Variants in GLI3 observed in about 807,000 individuals in gnomAD.
The protein encoded by GLI3 is GLI family zinc finger 3, also known as transcription activator GLI3.
Under a neutral mutation model 100.8 loss-of-function variants are expected in GLI3, and 20 were observed. The ratio of observed to expected loss-of-function variants is 0.20; its 90% CI spans 0.14 to 0.29. The LOEUF (loss-of-function observed/expected upper bound fraction) is 0.29, where lower values mean the gene tolerates loss of function less well. Ranked by LOEUF, GLI3 falls within the 10% of genes least tolerant of loss-of-function variation. The pLI is 1.00. For missense variants in GLI3, 2,040 were observed against 2,128.5 expected (o/e 0.96, Z 0.82); for synonymous variants, 938 against 860.5 (o/e 1.09, Z -1.58).
chr7:41,989,233 T>C (rs760320158), intron 10 of GLI3, among the ~76,000 whole-genome samples: 41 of 152,318 alleles, frequency 2.7e-4, no homozygotes, highest in Admixed American at 7.8e-4. Flanking sequence ...TAAACACAGA[T>C]AGGCAAAATT....
intron 1 of GLI3, among the ~76,000 whole-genome samples, chr7:42,256,783 A>C (rs1481430129): frequency 6.6e-6 from 1 of 152,120 alleles, no homozygotes; most frequent in East Asian, 1.9e-4. Flanking sequence ...TTTTCATATA[A>C]ATTTTATAAT....
chr7:42,246,964 G>A (rs957021178), intron 1 of GLI3, among the ~76,000 whole-genome samples: 2 of 152,052 alleles, frequency 1.3e-5, no homozygotes, highest in African/African-American at 4.8e-5. Flanking sequence ...AAGGCAGTCT[G>A]TAATCACAGC....
chr7:42,227,345 A>G (rs1788602538), intron 1 of GLI3, among the ~76,000 whole-genome samples: 1 of 150,570 alleles, frequency 6.6e-6, no homozygotes. Flanking sequence ...AAAGCAACGC[A>G]AGGAAAATTG....
intron 1 of GLI3, among the ~76,000 whole-genome samples, chr7:42,248,004 A>G (rs1317771161): frequency 6.6e-6 from 1 of 152,244 alleles, no homozygotes; most frequent in African/African-American, 2.4e-5. Flanking sequence ...ATGAAGAAAT[A>G]CAATGAGTGT....
At chr7:42,208,658 G>C (rs1788204197) in intron 2 of GLI3, among the ~76,000 whole-genome samples, 1 of 152,152 alleles carries the variant, frequency 6.6e-6, no homozygotes, top group Non-Finnish European at 1.5e-5. Flanking sequence ...TAGCATCAAA[G>C]AAATTTGCAA....
At chr7:42,105,435 G>A (rs2128763893) in intron 3 of GLI3, among the ~76,000 whole-genome samples, 1 of 152,018 alleles carries the variant, frequency 6.6e-6, no homozygotes, top group East Asian at 1.9e-4. Context: ...CTAAATAAAA[G>A]CAAAACTCCA....
At chr7:42,119,461 G>A (rs1785942736) in intron 3 of GLI3, among the ~76,000 whole-genome samples, 1 of 152,108 alleles carries the variant, frequency 6.6e-6, no homozygotes, top group Non-Finnish European at 1.5e-5. Flanking sequence ...ACCAAGACCA[G>A]CTGTAATGTA....
At chr7:42,213,782 A>G (rs889226059) in intron 2 of GLI3, among the ~76,000 whole-genome samples, 1 of 152,236 alleles carries the variant, frequency 6.6e-6, no homozygotes, top group African/African-American at 2.4e-5. Flanking sequence ...ATGGCTGGGG[A>G]CAGCCTATCT....
At chr7:42,050,268 G>C (rs1784328760) in intron 4 of GLI3, among the ~76,000 whole-genome samples, 1 of 152,154 alleles carries the variant, frequency 6.6e-6, no homozygotes, top group African/African-American at 2.4e-5. Flanking sequence ...TTACACATGG[G>C]AAGAGTAAGA....
At chr7:42,031,789 C>A (rs569730039) in intron 7 of GLI3, among the ~76,000 whole-genome samples, 1 of 152,218 alleles carries the variant, frequency 6.6e-6, no homozygotes, top group African/African-American at 2.4e-5. Flanking sequence ...GATAATTTCT[C>A]AGTCAGTTTC....
At chr7:42,051,288 C>T (rs888463384) in intron 4 of GLI3, among the ~76,000 whole-genome samples, 4 of 152,272 alleles carry the variant, frequency 2.6e-5, no homozygotes, top group Middle Eastern at 3.4e-3. Flanking sequence ...ACTCAATGTG[C>T]GTGGACCTCA....
intron 2 of GLI3, among the ~76,000 whole-genome samples, chr7:42,166,332 C>A (rs1336226874): frequency 6.6e-6 from 1 of 152,160 alleles, no homozygotes; most frequent in African/African-American, 2.4e-5. Context: ...AAGTATTCTA[C>A]AGGTGAATAA....
chr7:42,250,551 A>G (rs556403907), intron 1 of GLI3, among the ~76,000 whole-genome samples: 8 of 152,226 alleles, frequency 5.3e-5, no homozygotes, highest in African/African-American at 1.7e-4. Flanking sequence ...TCAGGGCCCA[A>G]TCCAACTGAC....
At position 42,182,717 on chromosome 7, in the gene GLI3, T is replaced by TACACACAC. The variant is rs66997611; in HGVS notation, c.125-34257_125-34250dup. Among the ~76,000 whole-genome samples the TACACACAC allele has an allele frequency of 8.2e-4, 97 of 118,706 alleles. 1 individual carries two copies. The highest frequency in any genetic ancestry group is 4.4e-3 in the South Asian group (16 of 3,636). 77.9% of individuals were successfully genotyped at this position (118,706 alleles called of 152,430 possible). On this transcript the variant is annotated intron_variant, in intron 2 of 14. Coordinates refer to ENST00000395925, the MANE Select transcript of GLI3 (RefSeq NM_000168.6). Reference sequence around the variant, plus strand: ...GTATATATATATACACACATATAAATACACACACACACACACACACACACA... The same window carrying TACACACAC: ...GTATATATATATACACACATATAAATACACACACACACACACACACACACACACACACA...
intron 2 of GLI3, among the ~76,000 whole-genome samples, chr7:42,176,507 C>T (rs1445399396): frequency 6.6e-6 from 1 of 152,260 alleles, no homozygotes; most frequent in Non-Finnish European, 1.5e-5. Context: ...TTCATGCAAA[C>T]AGATGCCCAG....
chr7:42,026,341 TGTC>T lies in GLI3; in HGVS notation c.1097_1099del (p.Arg366del), dbSNP rs1356280150. 4.3e-6 allele frequency: 7 copies of T among 1,614,018 alleles called. No individual in the cohort carries two copies. The African/African-American group carries it at 9.3e-5, about 22-fold the overall frequency. ...TCCAAAGGCTGAACCTAAGCTCTGT[TGTC>T]GGCTTAGGATCTGCTGATGCATGTG... On this transcript the variant is annotated inframe_deletion, in exon 8 of 15. Transcript: ENST00000395925.
chr7:42,186,087 C>T lies in GLI3; in HGVS notation c.124+37043G>A, dbSNP rs145550711. ...TAAAACGTGGCTCAGCATATGAGAA[C>T]CAAATAGCGAACTTACCATGGGCTT... On this transcript the variant is annotated intron_variant, in intron 2 of 14. Coordinates refer to ENST00000395925, the MANE Select transcript of GLI3 (RefSeq NM_000168.6). 4.9e-3 allele frequency among the ~76,000 whole-genome samples: 751 copies of T among 152,238 alleles called. 20 individuals are homozygous for T. The highest frequency in any genetic ancestry group is 0.023 in the East Asian group (120 of 5,164).
At chr7:42,122,449 A>G (rs1179028758) in intron 3 of GLI3, among the ~76,000 whole-genome samples, 1 of 147,920 alleles carries the variant, frequency 6.8e-6, no homozygotes, top group Non-Finnish European at 1.5e-5. Context: ...CACTTAAGAG[A>G]GAGAAGAGCT....
intron 2 of GLI3, among the ~76,000 whole-genome samples, chr7:42,197,122 T>C (rs1312522098): frequency 6.6e-6 from 1 of 152,178 alleles, no homozygotes; most frequent in Non-Finnish European, 1.5e-5. Context: ...AGTCTGGCTG[T>C]CTGCAGGACC....
Sources: allele counts gnomAD v4.1 joint callset (sites outside exome capture counted in the v4.1 genomes callset), GRCh38; gene constraint gnomAD v4.1.1; transcripts MANE v1.5; gene names NCBI Gene and HGNC (gene_info 2026-07-23, HGNC 2026-07-21).